The following NAT1 variants were observed in gnomAD, a reference collection of about 807,000 sequenced individuals.
NAT1 encodes N-acetyltransferase 1, also known as arylamine N-acetyltransferase 1.
For synonymous variants in NAT1, 144 were observed against 122.6 expected (o/e 1.17, Z -1.16); for missense variants, 400 against 339.2 (o/e 1.18, Z -1.41).
chr8:18,221,469 A>C (rs1046984563), intron 2 of NAT1, among the ~76,000 whole-genome samples: 12 of 151,548 alleles, frequency 7.9e-5, no homozygotes, highest in African/African-American at 2.9e-4. Context: ...TGTCACTCCA[A>C]CTCCCACTAA....
At chr8:18,183,320 G>T (rs959949193) in intron 2 of NAT1, among the ~76,000 whole-genome samples, 5 of 152,146 alleles carry the variant, frequency 3.3e-5, no homozygotes, top group Middle Eastern at 3.2e-3. Flanking sequence ...TGGGGAAGGG[G>T]ACAAACATTC....
chr8:18,182,368 A>G (rs560455835), intron 2 of NAT1, among the ~76,000 whole-genome samples: 9 of 152,248 alleles, frequency 5.9e-5, no homozygotes, highest in African/African-American at 1.9e-4. Context: ...CTATTAGTGC[A>G]TTTTGTGTAC....
intron 2 of NAT1, among the ~76,000 whole-genome samples, chr8:18,183,637 G>A (rs1046044371): frequency 6.6e-6 from 1 of 152,190 alleles, no homozygotes; most frequent in African/African-American, 2.4e-5. Flanking sequence ...GAAGATATGG[G>A]TGAGACTGAA....
At chr8:18,193,506 AAT>A (rs373866185) in intron 2 of NAT1, among the ~76,000 whole-genome samples, 1,968 of 132,414 alleles carry the variant, frequency 0.015, 43 homozygotes, top group African/African-American at 0.063. Flanking sequence ...ATATATATAT[AAT>A]ATATATATAT....
intron 1 of NAT1, among the ~76,000 whole-genome samples, chr8:18,214,775 T>G (rs1415722570): frequency 6.6e-6 from 1 of 152,184 alleles, no homozygotes; most frequent in African/African-American, 2.4e-5. Flanking sequence ...TTGTACAGAT[T>G]TTATCACCCA....
At chr8:18,183,981 G>C (rs574337988) in intron 2 of NAT1, among the ~76,000 whole-genome samples, 39 of 152,214 alleles carry the variant, frequency 2.6e-4, no homozygotes, top group Middle Eastern at 3.4e-3. Context: ...TCTCATGCCT[G>C]TGCTCTCCCA....
chr8:18,176,517 A>G (rs1802298875), intron 2 of NAT1, among the ~76,000 whole-genome samples: 1 of 151,936 alleles, frequency 6.6e-6, no homozygotes, highest in Non-Finnish European at 1.5e-5. Context: ...GGCCATAAAC[A>G]CTTCGGGTTA....
intron 2 of NAT1, among the ~76,000 whole-genome samples, chr8:18,200,263 T>C (rs1243474046): frequency 6.6e-6 from 1 of 152,150 alleles, no homozygotes; most frequent in Non-Finnish European, 1.5e-5. Context: ...GCAGCACTAT[T>C]CGCAATAGCA....
At chr8:18,184,143 A>G (rs1489610047) in intron 2 of NAT1, among the ~76,000 whole-genome samples, 1 of 152,162 alleles carries the variant, frequency 6.6e-6, no homozygotes, top group Non-Finnish European at 1.5e-5. Flanking sequence ...CCTGGGCCCC[A>G]TGACTTGCCA....
chr8:18,192,061 A>C (rs1298643942), intron 2 of NAT1, among the ~76,000 whole-genome samples: 56 of 151,414 alleles, frequency 3.7e-4, no homozygotes, highest in Middle Eastern at 3.4e-3. Flanking sequence ...CAACCTACAA[A>C]ATGGGAGAAA....
At position 18,213,780 on chromosome 8, in the gene NAT1, T is replaced by C. The variant is rs192227446; in HGVS notation, c.-86+3600T>C. ...GATTGGACTCTCCTAGACTCTGGTC[T>C]TTCTTGATCTTCAGATCAAATTTTT... On this transcript the variant is annotated intron_variant, in intron 1 of 2. Coordinates refer to ENST00000307719, the MANE Select transcript of NAT1 (RefSeq NM_000662.8). Among the ~76,000 whole-genome samples the C allele has an allele frequency of 1.0e-3, 152 of 152,270 alleles. 1 individual carries two copies. Among genetic ancestry groups the C allele is most frequent in the Admixed American group, 9.3e-3 (143 of 15,298 alleles).
chr8:18,191,369 G>A (rs1438387339), intron 2 of NAT1, among the ~76,000 whole-genome samples: 11 of 152,126 alleles, frequency 7.2e-5, no homozygotes, highest in Admixed American at 6.5e-4. Flanking sequence ...AAACTTTTAT[G>A]TATACAAGCC....
chr8:18,214,255 G>A (rs1804410593), intron 1 of NAT1, among the ~76,000 whole-genome samples: 1 of 152,054 alleles, frequency 6.6e-6, no homozygotes, highest in Admixed American at 6.6e-5. Context: ...CTACTTTTTG[G>A]TTTTCATATT....
At chr8:18,222,011 G>C (rs191786732) in intron 2 of NAT1, 31 bp from the exon 3 acceptor site, 1 of 1,568,846 alleles carries the variant, frequency 6.4e-7, no homozygotes, top group African/African-American at 1.4e-5. Context: ...AAAGTAAAAT[G>C]ATTTGCTTTC....
intron 2 of NAT1, 57 bp downstream of exon 2, chr8:18,219,546 C>T: frequency 1.1e-6 from 1 of 901,386 alleles, no homozygotes; most frequent in Middle Eastern, 2.2e-4. Flanking sequence ...TTCACTCTGC[C>T]TCCTTTAAGT....
intron 1 of NAT1, among the ~76,000 whole-genome samples, chr8:18,211,712 A>T (rs966751283): frequency 2.0e-5 from 3 of 152,166 alleles, no homozygotes; most frequent in African/African-American, 4.8e-5. Context: ...CCAGAGGCCC[A>T]GTGAGCTGGC....
intron 2 of NAT1, among the ~76,000 whole-genome samples, chr8:18,183,146 C>T (rs1802587791): frequency 6.6e-6 from 1 of 152,146 alleles, no homozygotes; most frequent in Non-Finnish European, 1.5e-5. Flanking sequence ...AACGCTGACT[C>T]CTCATGTGGT....
chr8:18,211,025 G>A (rs1804049262), intron 1 of NAT1, among the ~76,000 whole-genome samples: 1 of 152,076 alleles, frequency 6.6e-6, no homozygotes, highest in South Asian at 2.1e-4. Context: ...GGCTCATCTC[G>A]AACTCCTGAC....
rs530273268 is a variant in NAT1 at position 18,196,113 on chromosome 8, CTTTTA to C, written n.93-13663_93-13659del. Among the ~76,000 whole-genome samples, 846 of 151,872 alleles carry C rather than the reference CTTTTA, an allele frequency of 5.6e-3. 17 individuals are homozygous for C. The highest frequency in any genetic ancestry group is 0.02 in the African/African-American group (817 of 41,418). On this transcript the variant is annotated intron_variant and non_coding_transcript_variant, in intron 2 of 4. Coordinates refer to the NAT1 transcript ENST00000517441. ...TTTCAAAACATTACACTTTATACAA[CTTTTA>C]TTTTTTTTTTTAATAGAGACAAGGT... is the stretch of plus-strand genomic sequence containing the variant.
Sources: allele counts gnomAD v4.1 joint callset (sites outside exome capture counted in the v4.1 genomes callset), GRCh38; gene constraint gnomAD v4.1.1; transcripts MANE v1.5; gene names NCBI Gene and HGNC (gene_info 2026-07-23, HGNC 2026-07-21).